AGXT2: variants seen among roughly 807,000 people sequenced by gnomAD.
AGXT2 encodes alanine--glyoxylate aminotransferase 2, mitochondrial.
In AGXT2, 61 loss-of-function variants were observed where a neutral mutation model predicts 62.5. That is an observed-to-expected ratio of 0.98 (90% CI 0.79 to 1.21). AGXT2 has a LOEUF of 1.21. Among genes scored for constraint, AGXT2 ranks in the 50% most tolerant of loss-of-function variants. AGXT2 has a pLI of 0.00. For synonymous variants in AGXT2, 243 were observed against 218.7 expected (o/e 1.11, Z -0.98); for missense variants, 666 against 641.5 (o/e 1.04, Z -0.41).
intron 1 of AGXT2, among the ~76,000 whole-genome samples, chr5:35,041,572 GA>G (rs1767993751): frequency 6.6e-6 from 1 of 152,146 alleles, no homozygotes; most frequent in Non-Finnish European, 1.5e-5. Context: ...AGAGCTGGAA[GA>G]GTTGTCTAGA....
chr5:35,021,734 A>C (rs2112228980), intron 9 of AGXT2, among the ~76,000 whole-genome samples: 2 of 152,154 alleles, frequency 1.3e-5, no homozygotes, highest in South Asian at 4.1e-4. Context: ...GGATCTAATT[A>C]AACTAAAGAG....
intron 7 of AGXT2, among the ~76,000 whole-genome samples, chr5:35,032,069 C>T (rs1454301550): frequency 6.6e-6 from 1 of 151,642 alleles, no homozygotes; most frequent in African/African-American, 2.4e-5. Context: ...TCTTGAGCCT[C>T]AGCCTCCCGA....
intron 9 of AGXT2, among the ~76,000 whole-genome samples, chr5:35,017,609 G>T (rs1010973410): frequency 2.0e-5 from 3 of 152,160 alleles, no homozygotes; most frequent in Non-Finnish European, 2.9e-5. Flanking sequence ...CAACCACATG[G>T]AACTCTGTCC....
chr5:34,998,203 G>A lies in AGXT2; in HGVS notation c.*516C>T, dbSNP rs1346777127. 5.8e-6 allele frequency: 1 copy of A among 172,298 alleles called. No individual in the cohort carries two copies. The highest frequency in any genetic ancestry group is 2.4e-5 in the African/African-American group (1 of 41,710). 10.7% of individuals were successfully genotyped at this position (172,298 alleles called of 1,614,324 possible). On this transcript the variant is annotated 3_prime_UTR_variant, in exon 14 of 14. Coordinates refer to ENST00000231420, the MANE Select transcript of AGXT2 (RefSeq NM_031900.4). ...GCTTCTTTGACATCACTAAGCACTT[G>A]GCTTCCATCCATCTTCCAACCTCAC...
intron 9 of AGXT2, among the ~76,000 whole-genome samples, chr5:35,023,503 A>T (rs886597763): frequency 2.0e-5 from 3 of 152,226 alleles, no homozygotes; most frequent in Non-Finnish European, 4.4e-5. Context: ...GAAAATTTTG[A>T]AATTCATATT....
intron 1 of AGXT2, among the ~76,000 whole-genome samples, chr5:35,041,223 C>CGAAAAAAAGA: frequency 1.9e-5 from 1 of 51,404 alleles, no homozygotes; most frequent in East Asian, 4.8e-4. Context: ...CTCCCCCCGC[C>CGAAAAAAAGA]AAAAAAAAAA....
chr5:35,035,567 T>C (rs1767730524), intron 4 of AGXT2, among the ~76,000 whole-genome samples: 1 of 149,132 alleles, frequency 6.7e-6, no homozygotes, highest in Admixed American at 6.8e-5. Flanking sequence ...TTCCTGGCTT[T>C]TAATGGCTTT....
intron 1 of AGXT2, among the ~76,000 whole-genome samples, chr5:35,040,992 T>C (rs1767964419): frequency 6.6e-6 from 1 of 152,008 alleles, no homozygotes; most frequent in Admixed American, 6.6e-5. Flanking sequence ...GCTAGTGCAA[T>C]GCGTTGTTGG....
In AGXT2 at chr5:35,038,415, A is replaced by G. The variant is rs568882466; in HGVS notation, c.362+909T>C. On this transcript the variant is annotated intron_variant, in intron 3 of 13. Transcript: ENST00000231420. ...TCCATTTTCTCTACTTCTTTCATGT[A>G]TGTTTGTCCTACGTTTGAAATTGCA... 3.9e-5 allele frequency among the ~76,000 whole-genome samples: 6 copies of G among 152,290 alleles called. No homozygotes were observed. In the South Asian group the frequency reaches 1.0e-3, roughly 26 times the overall value.
chr5:35,024,911 G>T (rs1767266231), intron 9 of AGXT2, among the ~76,000 whole-genome samples: 1 of 151,794 alleles, frequency 6.6e-6, no homozygotes, highest in Non-Finnish European at 1.5e-5. Flanking sequence ...CAGAGGCTGT[G>T]GTGAGCTGAG....
intron 10 of AGXT2, among the ~76,000 whole-genome samples, 184 bp from the exon 11 acceptor site, chr5:35,013,229 C>T (rs965400889): frequency 3.3e-5 from 5 of 152,290 alleles, no homozygotes; most frequent in East Asian, 3.9e-4. Flanking sequence ...ATGGCTGAAG[C>T]CTTAACCCTG....
intron 6 of AGXT2, chr5:35,033,120 G>A (rs2291699): frequency 0.48 from 235,925 of 487,814 alleles, 60,118 homozygotes; most frequent in East Asian, 0.68. Context: ...ATCTGATTCA[G>A]ATGCTGAAAA....
chr5:35,037,438 C>A (rs1262783551), intron 3 of AGXT2, among the ~76,000 whole-genome samples: 3 of 152,006 alleles, frequency 2.0e-5, no homozygotes, highest in Non-Finnish European at 4.4e-5. Context: ...TGAGTTCTTT[C>A]CATTTTATTT....
intron 13 of AGXT2, among the ~76,000 whole-genome samples, chr5:35,003,100 C>T (rs1484716293): frequency 6.6e-6 from 1 of 152,174 alleles, no homozygotes; most frequent in Non-Finnish European, 1.5e-5. Flanking sequence ...GCAGTGTGTG[C>T]AGGGCAAGCC....
intron 7 of AGXT2, among the ~76,000 whole-genome samples, chr5:35,028,617 GAGAAA>G (rs879699939): frequency 0.18 from 5,994 of 33,340 alleles, 1,402 homozygotes; most frequent in Non-Finnish European, 0.24. Context: ...GAGAGAGAGA[GAGAAA>G]TTCTTCTACT....
At chr5:35,000,540 T>C (rs1353603713) in intron 13 of AGXT2, among the ~76,000 whole-genome samples, 1 of 152,086 alleles carries the variant, frequency 6.6e-6, no homozygotes, top group East Asian at 1.9e-4. Flanking sequence ...GCCACCACAC[T>C]CAGCTAATTT....
rs548534874 is a variant in AGXT2 at position 35,026,656 on chromosome 5, G to A, written c.770-146C>T. 4.7e-5 allele frequency: 46 copies of A among 970,196 alleles called. No individual in the cohort carries two copies. The African/African-American group carries it at 7.5e-4, about 16-fold the overall frequency. 60.1% of individuals were successfully genotyped at this position (970,196 alleles called of 1,614,324 possible). On this transcript the variant is annotated intron_variant, in intron 7 of 13. Coordinates refer to ENST00000231420, the MANE Select transcript of AGXT2 (RefSeq NM_031900.4). ...GGGACTTCAGAATACGGTAAACTGG[G>A]GTGAGGATATGCATTTCTGAAGGGG...
In AGXT2 at chr5:35,026,604, A is replaced by G. The variant is rs552852241; in HGVS notation, c.770-94T>C. The G allele has an allele frequency of 6.6e-5, 80 of 1,207,110 alleles. No individual in the cohort carries two copies. The African/African-American group carries it at 1.2e-3, about 17-fold the overall frequency. The allele number at this position is 1,207,110 out of a possible 1,614,324, so 74.8% of individuals were successfully genotyped here. A position where few individuals can be genotyped will look rare whatever the true frequency, so the allele number is the denominator to read the frequency against. ...CATGGGGAAAAACAGGAAAAAAAAA[A>G]AACAACCAGACAGGGTAAGTTAATC... is the stretch of plus-strand genomic sequence containing the variant. On this transcript the variant is annotated intron_variant, in intron 7 of 13. Coordinates refer to ENST00000231420, the MANE Select transcript of AGXT2 (RefSeq NM_031900.4).
At chr5:34,998,859 C>T (rs765337670) in intron 13 of AGXT2, 33 bp from the exon 14 acceptor site, 1 of 1,444,780 alleles carries the variant, frequency 6.9e-7, no homozygotes, top group East Asian at 2.3e-5. Context: ...GAAAACAAAT[C>T]ATCAGAGAAT....
Sources: allele counts gnomAD v4.1 joint callset (sites outside exome capture counted in the v4.1 genomes callset), GRCh38; gene constraint gnomAD v4.1.1; transcripts MANE v1.5; gene names NCBI Gene and HGNC (gene_info 2026-07-23, HGNC 2026-07-21).